MAD1L1: variants seen among roughly 807,000 people sequenced by gnomAD.
MAD1L1 encodes mitotic spindle assembly checkpoint protein MAD1.
In MAD1L1, 95 loss-of-function variants were observed where a neutral mutation model predicts 96.9. The ratio of observed to expected loss-of-function variants is 0.98; its 90% CI spans 0.83 to 1.16. The LOEUF (loss-of-function observed/expected upper bound fraction) is 1.16. Among genes scored for constraint, MAD1L1 ranks in the 50% most tolerant of loss-of-function variants. The pLI is 0.00. For missense variants in MAD1L1, 1,007 were observed against 954.4 expected (o/e 1.06, Z -0.73); for synonymous variants, 473 against 396.6 (o/e 1.19, Z -2.29).
intron 15 of MAD1L1, among the ~76,000 whole-genome samples, chr7:1,978,898 G>A (rs1490481644): frequency 6.6e-6 from 1 of 152,228 alleles, no homozygotes; most frequent in African/African-American, 2.4e-5. Context: ...CTGAGCAGAT[G>A]TAAATGAAAC....
chr7:2,128,295 A>G (rs1338459879), intron 11 of MAD1L1, among the ~76,000 whole-genome samples: 1 of 152,156 alleles, frequency 6.6e-6, no homozygotes, highest in East Asian at 1.9e-4. Context: ...TCTCCCAAAC[A>G]GCACTACTGA....
intron 17 of MAD1L1, among the ~76,000 whole-genome samples, chr7:1,914,803 T>C (rs1183390911): frequency 3.3e-5 from 5 of 152,200 alleles, no homozygotes; most frequent in Non-Finnish European, 7.3e-5. Context: ...TTTTTATAAA[T>C]AGGGTCTTGC....
chr7:2,151,058 C>T lies in MAD1L1; in HGVS notation c.987-1820G>A, dbSNP rs184484467. Among the ~76,000 whole-genome samples the T allele has an allele frequency of 7.0e-4, 107 of 152,336 alleles. 1 individual carries two copies. Among genetic ancestry groups the T allele is most frequent in the African/African-American group, 2.4e-3 (98 of 41,580 alleles). On this transcript the variant is annotated intron_variant, in intron 10 of 18. Transcript: ENST00000265854. Reference sequence around the variant, plus strand: ...GAAAGGTGCAGCTGCCCTTGAACGCCGTGACCATTCTCTCCAGTTTCCCAA... The same window carrying T: ...GAAAGGTGCAGCTGCCCTTGAACGCTGTGACCATTCTCTCCAGTTTCCCAA...
chr7:2,000,503 T>A (rs1205904796), intron 14 of MAD1L1, among the ~76,000 whole-genome samples: 2 of 152,060 alleles, frequency 1.3e-5, no homozygotes, highest in African/African-American at 4.8e-5. Flanking sequence ...ACCCCTAACC[T>A]CACTGTTGGG....
chr7:1,816,999 C>G (rs1781843524), intron 18 of MAD1L1: 1 of 152,294 alleles, frequency 6.6e-6, no homozygotes, highest in Non-Finnish European at 1.5e-5. Context: ...AGAATATGCC[C>G]AGAACTCCCA....
At chr7:1,919,493 G>C (rs191271396) in intron 17 of MAD1L1, among the ~76,000 whole-genome samples, 1 of 152,248 alleles carries the variant, frequency 6.6e-6, no homozygotes, top group African/African-American at 2.4e-5. Context: ...GGACCGCACT[G>C]GGGAATGGGC....
intron 13 of MAD1L1, among the ~76,000 whole-genome samples, chr7:2,009,865 C>T (rs963723304): frequency 2.0e-5 from 3 of 152,102 alleles, no homozygotes; most frequent in Non-Finnish European, 2.9e-5. Flanking sequence ...TGTGTGCTGC[C>T]GGGGGTGGCA....
Position 2,216,226 on chromosome 7 carries a change from G to A in MAD1L1, c.740C>T (p.Ser247Phe). 2 of 1,614,162 alleles carry A rather than the reference G, an allele frequency of 1.2e-6. No homozygotes were observed. Among genetic ancestry groups the A allele is most frequent in the Non-Finnish European group, 1.7e-6 (2 of 1,180,048 alleles). Residue 247 changes from serine to phenylalanine, a missense_variant, in exon 8 of 19, where the codon TCT (serine) becomes TTT (phenylalanine). Coordinates refer to ENST00000265854, the MANE Select transcript of MAD1L1 (RefSeq NM_001013836.2). ...CAGCCTAGGGAGCCGTACCAGCTCA[G>A]ACTTCATGTTCTTCACAATCGCTGC... ...QDAAIVKNMK[S>F]ELVRLPRLER...
At chr7:1,915,708 G>A (rs1788342514) in intron 17 of MAD1L1, among the ~76,000 whole-genome samples, 1 of 152,226 alleles carries the variant, frequency 6.6e-6, no homozygotes, top group Non-Finnish European at 1.5e-5. Context: ...GCAACTCCAC[G>A]GGGAAAGAAA....
intron 10 of MAD1L1, among the ~76,000 whole-genome samples, chr7:2,176,789 T>C (rs1243991890): frequency 6.6e-6 from 1 of 152,212 alleles, no homozygotes; most frequent in Non-Finnish European, 1.5e-5. Flanking sequence ...GTCTATACAA[T>C]AACAGCAAAT....
intron 14 of MAD1L1, 49 bp downstream of exon 14, chr7:2,002,016 C>G: frequency 6.2e-7 from 1 of 1,600,746 alleles, no homozygotes; most frequent in East Asian, 2.2e-5. Flanking sequence ...CCTGCCCAGA[C>G]CCAGGGTCCA....
chr7:1,847,597 C>T (rs765942985), intron 18 of MAD1L1: 7 of 470,994 alleles, frequency 1.5e-5, no homozygotes, highest in South Asian at 9.3e-5. Context: ...GGGATGCACA[C>T]AGCATGGAGA....
chr7:2,162,872 C>CTT (rs1027364147), intron 10 of MAD1L1, among the ~76,000 whole-genome samples: 2 of 133,788 alleles, frequency 1.5e-5, no homozygotes, highest in African/African-American at 2.8e-5. Flanking sequence ...GGAGTTTCAT[C>CTT]TTTTTTTTTT....
intron 18 of MAD1L1, among the ~76,000 whole-genome samples, chr7:1,856,230 G>A (rs1019987862): frequency 1.3e-5 from 2 of 152,256 alleles, no homozygotes; most frequent in Non-Finnish European, 2.9e-5. Flanking sequence ...CTGGACCGGG[G>A]AGGGGTGTGC....
intron 15 of MAD1L1, among the ~76,000 whole-genome samples, chr7:1,975,797 C>T (rs1780609460): frequency 2.0e-5 from 3 of 152,078 alleles, no homozygotes. Context: ...GCCGGCGTCT[C>T]CAGGGCCCCC....
At chr7:2,074,803 G>A (rs1785297998) in intron 11 of MAD1L1, among the ~76,000 whole-genome samples, 1 of 152,246 alleles carries the variant, frequency 6.6e-6, no homozygotes, top group Non-Finnish European at 1.5e-5. Context: ...CCAGCAAGCA[G>A]GTGCCTCCTG....
In MAD1L1 at chr7:1,898,376, C is replaced by A. The variant is rs368215845; in HGVS notation, c.1822G>T (p.Val608Leu). The part of the protein sequence containing the change: ...SKEVAELKKQ[V>L]ESAELKNQRL... ...TGGTTCTTCAGCTCGGCACTCTCCACCTGCTTCTTCAGCTCTGCGGGAGGG... is the reference window on the plus strand; with the variant it reads ...TGGTTCTTCAGCTCGGCACTCTCCAACTGCTTCTTCAGCTCTGCGGGAGGG... Residue 608 changes from valine to leucine, a missense_variant, in exon 18 of 19, where the codon GTG (valine) becomes TTG (leucine). Coordinates refer to ENST00000265854, the MANE Select transcript of MAD1L1 (RefSeq NM_001013836.2). 2 of 1,613,906 alleles carry A rather than the reference C, an allele frequency of 1.2e-6. No individual in the cohort carries two copies. Among genetic ancestry groups the A allele is most frequent in the Non-Finnish European group, 1.7e-6 (2 of 1,179,964 alleles).
chr7:2,217,959 C>A lies in MAD1L1; in HGVS notation c.678+3G>T. On this transcript the variant is annotated splice_donor_region_variant and intron_variant, in intron 7 of 18. Coordinates refer to ENST00000265854, the MANE Select transcript of MAD1L1 (RefSeq NM_001013836.2). ...CACAAGGCACTGACAGGGAGTGACT[C>A]ACCTTAATCTGCTGCTCGTGGTCTG... 1.2e-6 allele frequency: 2 copies of A among 1,612,438 alleles called. No homozygotes were observed. The highest frequency in any genetic ancestry group is 1.7e-6 in the Non-Finnish European group (2 of 1,178,466).
At chr7:1,888,386 G>A (rs1372992947) in intron 18 of MAD1L1, among the ~76,000 whole-genome samples, 16 of 110,642 alleles carry the variant, frequency 1.4e-4, no homozygotes, top group Non-Finnish European at 2.1e-4. Flanking sequence ...CTGCCTATGC[G>A]TGTGTGTGCA....
Sources: allele counts gnomAD v4.1 joint callset (sites outside exome capture counted in the v4.1 genomes callset), GRCh38; gene constraint gnomAD v4.1.1; transcripts MANE v1.5; gene names NCBI Gene and HGNC (gene_info 2026-07-23, HGNC 2026-07-21).